The following ANXA8 variants were observed in gnomAD, a reference collection of about 807,000 sequenced individuals.
The protein encoded by ANXA8 is VAC-beta.
ANXA8 carries 9 observed loss-of-function variants against 26.8 expected under a neutral mutation model. That is an observed-to-expected ratio of 0.34 (90% CI 0.20 to 0.59). The LOEUF (loss-of-function observed/expected upper bound fraction) is 0.59. Ranked by LOEUF, ANXA8 falls within the 20% of genes least tolerant of loss-of-function variation. The pLI is 0.84. For missense variants in ANXA8, 83 were observed against 238.5 expected (o/e 0.35, Z 4.29); for synonymous variants, 39 against 94.8 (o/e 0.41, Z 3.42).
At chr10:47,485,911 A>G (rs1384569627), upstream of ANXA8, among the ~76,000 whole-genome samples, 6 of 151,844 alleles carry the variant, frequency 4.0e-5, no homozygotes, top group African/African-American at 9.7e-5. Context: ...GATCGAGACC[A>G]TCCTGGCTAA....
At chr10:47,566,191 G>A in the ANXA8 span, among the ~76,000 whole-genome samples, 2 of 151,972 alleles carry the variant, frequency 1.3e-5, no homozygotes, top group African/African-American at 4.8e-5. Flanking sequence ...GCAACAGTGC[G>A]GGTGGTCCTC....
At chr10:47,582,214 G>A in the ANXA8 span, 2,159 of 165,372 alleles carry the variant, frequency 0.013, 57 homozygotes, top group Non-Finnish European at 0.017. Context: ...ATAATCTCTT[G>A]TGCTTTGCCT....
the ANXA8 span, among the ~76,000 whole-genome samples, chr10:47,895,111 A>G: frequency 6.6e-6 from 1 of 151,808 alleles, no homozygotes; most frequent in Non-Finnish European, 1.5e-5. Flanking sequence ...ACATAAACAC[A>G]CACACACTTA....
At chr10:47,942,828 G>T in the ANXA8 span, among the ~76,000 whole-genome samples, 1 of 145,944 alleles carries the variant, frequency 6.9e-6, no homozygotes, top group Non-Finnish European at 1.5e-5. Flanking sequence ...GAGGCCAATT[G>T]CTAAGGCAGA....
chr10:47,936,905 A>C, the ANXA8 span, among the ~76,000 whole-genome samples: 1 of 151,608 alleles, frequency 6.6e-6, no homozygotes, highest in African/African-American at 2.4e-5. Flanking sequence ...TGGGCTGCTA[A>C]GTACTTTTCC....
At chr10:47,762,559 G>T in the ANXA8 span, 1 of 364,404 alleles carries the variant, frequency 2.7e-6, no homozygotes, top group East Asian at 4.2e-5. Flanking sequence ...CCCAGCGGGG[G>T]CGGCGGGGCG....
At chr10:47,944,521 A>G in the ANXA8 span, among the ~76,000 whole-genome samples, 2 of 150,476 alleles carry the variant, frequency 1.3e-5, no homozygotes, top group South Asian at 4.2e-4. Flanking sequence ...GTCATCTTGA[A>G]TGATAGCTCC....
the ANXA8 span, among the ~76,000 whole-genome samples, chr10:47,744,413 G>GGGGGGGGGTGGGGGGGGGAGGGGGGAA: frequency 2.5e-4 from 1 of 3,978 alleles, no homozygotes; most frequent in African/African-American, 8.1e-4. Context: ...GCTCCTGGTG[G>GGGGGGGGGTGGGGGGGGGAGGGGGGAA]GGGGGGGGTT....
chr10:47,656,972 T>C, the ANXA8 span, among the ~76,000 whole-genome samples: 1 of 150,622 alleles, frequency 6.6e-6, no homozygotes, highest in African/African-American at 2.5e-5. Context: ...TACAGTCTTT[T>C]AAACAGCATT....
chr10:47,650,490 G>GA, the ANXA8 span, among the ~76,000 whole-genome samples: 1 of 151,820 alleles, frequency 6.6e-6, no homozygotes, highest in Non-Finnish European at 1.5e-5. Flanking sequence ...AGCTCCATAA[G>GA]AAAAAAGCAA....
At chr10:47,495,378 C>A in the ANXA8 span, among the ~76,000 whole-genome samples, 2 of 147,060 alleles carry the variant, frequency 1.4e-5, no homozygotes, top group African/African-American at 5.0e-5. Context: ...TTCTGCCTCC[C>A]GCGTTCAAGA....
chr10:47,486,345 CT>C (rs2132447257), upstream of ANXA8, among the ~76,000 whole-genome samples: 1 of 145,366 alleles, frequency 6.9e-6, no homozygotes, highest in African/African-American at 2.5e-5. Context: ...AATGAGGGTC[CT>C]CCCTTAGCAT....
chr10:47,955,222 G>A, the ANXA8 span, among the ~76,000 whole-genome samples: 3 of 149,862 alleles, frequency 2.0e-5, no homozygotes, highest in African/African-American at 2.5e-5. Flanking sequence ...CTTGCCTCCC[G>A]CCGTGATTGT....
the ANXA8 span, among the ~76,000 whole-genome samples, chr10:47,587,511 A>G: frequency 6.8e-6 from 1 of 146,512 alleles, no homozygotes; most frequent in African/African-American, 2.8e-5. Context: ...ATTTAATTCC[A>G]TTCACTCCTC....
chr10:47,928,708 A>T, the ANXA8 span, among the ~76,000 whole-genome samples: 2 of 102,474 alleles, frequency 2.0e-5, no homozygotes, highest in East Asian at 5.0e-4. Flanking sequence ...CTTTTTGCAC[A>T]AAACTCCTCC....
At chr10:47,952,287 G>A in the ANXA8 span, among the ~76,000 whole-genome samples, 8 of 151,602 alleles carry the variant, frequency 5.3e-5, no homozygotes, top group African/African-American at 1.9e-4. Flanking sequence ...AATAAGGTAA[G>A]AGGAAATACC....
the ANXA8 span, among the ~76,000 whole-genome samples, chr10:47,943,145 C>G: frequency 6.9e-6 from 1 of 145,232 alleles, no homozygotes; most frequent in Non-Finnish European, 1.5e-5. Context: ...GATGAGAAAC[C>G]AGACTCAGAA....
At chr10:47,777,594 C>T in the ANXA8 span, among the ~76,000 whole-genome samples, 6 of 152,352 alleles carry the variant, frequency 3.9e-5, no homozygotes, top group Middle Eastern at 3.4e-3. Context: ...AACACACCCA[C>T]CAAATCCTGG....
At chr10:47,589,060 C>T in the ANXA8 span, 8 of 145,854 alleles carry the variant, frequency 5.5e-5, 2 homozygotes, top group Admixed American at 1.3e-4. Context: ...GCAATCCACC[C>T]GCCTCAGCCA....
Sources: gnomAD v4.1 joint callset for allele counts (sites outside exome capture counted in the v4.1 genomes callset) on GRCh38, gnomAD v4.1.1 for gene constraint, MANE v1.5 for transcripts, NCBI Gene and HGNC (gene_info 2026-07-23, HGNC 2026-07-21) for gene names.